Variants in CCDC172 observed in about 807,000 individuals in gnomAD.
CCDC172 encodes coiled-coil domain-containing protein 172.
Under a neutral mutation model 38.0 loss-of-function variants are expected in CCDC172, and 30 were observed. That is an observed-to-expected ratio of 0.79 (90% CI 0.59 to 1.07). The LOEUF is 1.07. Ranked by LOEUF, CCDC172 falls within the 50% of genes least tolerant of loss-of-function variation. The probability of loss-of-function intolerance (pLI) is 0.00; values close to 1 mark genes in which losing one functional copy is unlikely to be tolerated. For synonymous variants in CCDC172, 78 were observed against 88.3 expected (o/e 0.88, Z 0.66); for missense variants, 297 against 290.1 (o/e 1.02, Z -0.17).
intron 3 of CCDC172, among the ~76,000 whole-genome samples, chr10:116,327,629 T>C (rs1191479526): frequency 6.6e-6 from 1 of 152,104 alleles, no homozygotes; most frequent in Non-Finnish European, 1.5e-5. Context: ...TAATATAGGT[T>C]CATAAGCATG....
At chr10:116,355,253 A>AT (rs1419240131) in intron 5 of CCDC172, among the ~76,000 whole-genome samples, 2 of 152,226 alleles carry the variant, frequency 1.3e-5, no homozygotes, top group African/African-American at 4.8e-5. Flanking sequence ...TTTATACTGT[A>AT]TTTTTGCTGT....
intron 5 of CCDC172, among the ~76,000 whole-genome samples, chr10:116,351,008 T>C (rs1365063930): frequency 6.6e-6 from 1 of 152,142 alleles, no homozygotes; most frequent in Non-Finnish European, 1.5e-5. Flanking sequence ...GATAAGAAAT[T>C]GGCATATTTG....
chr10:116,355,814 A>G (rs1844988374), intron 5 of CCDC172, among the ~76,000 whole-genome samples: 1 of 152,176 alleles, frequency 6.6e-6, no homozygotes. Flanking sequence ...TAGGGCTGGC[A>G]GAGTTAGGGG....
Position 116,325,383 on chromosome 10 carries a change from T to C in CCDC172, c.160T>C (p.Ser54Pro). ...ELNEEKIKLE[S>P]KVQQFFEKSF... Reference sequence around the variant, plus strand: ...GAATGAAGAGAAAATCAAGCTGGAATCTAAGGTATTGAAATGTAAAGCATA... The same window carrying C: ...GAATGAAGAGAAAATCAAGCTGGAACCTAAGGTATTGAAATGTAAAGCATA... Residue 54 changes from serine (S) to proline (P), a missense_variant, in exon 3 of 9, where the codon TCT (serine) becomes CCT (proline). Physicochemically the swap from Ser to Pro is moderately conservative, Grantham distance 74. Coordinates refer to ENST00000333254, the MANE Select transcript of CCDC172 (RefSeq NM_198515.3). 1 of 1,612,150 alleles carries C rather than the reference T, an allele frequency of 6.2e-7. No individual in the cohort carries two copies. The highest frequency in any genetic ancestry group is 8.5e-7 in the Non-Finnish European group (1 of 1,178,882).
At chr10:116,360,168 T>G (rs1381373091) in intron 7 of CCDC172, among the ~76,000 whole-genome samples, 2 of 152,214 alleles carry the variant, frequency 1.3e-5, no homozygotes, top group Non-Finnish European at 2.9e-5. Context: ...AACCATAGGT[T>G]AGGTTAATTT....
At chr10:116,368,643 C>G (rs74158444) in intron 7 of CCDC172, among the ~76,000 whole-genome samples, 4,749 of 151,702 alleles carry the variant, frequency 0.031, 103 homozygotes, top group East Asian at 0.11. Context: ...TTTTACATAC[C>G]TCCCTCAATC....
chr10:116,359,282 G>T (rs1032838484), intron 7 of CCDC172, among the ~76,000 whole-genome samples: 1 of 152,166 alleles, frequency 6.6e-6, no homozygotes, highest in South Asian at 2.1e-4. Context: ...CATTGATTCA[G>T]CTTCATCATG....
intron 5 of CCDC172, among the ~76,000 whole-genome samples, chr10:116,347,901 T>C (rs1020559761): frequency 6.6e-6 from 1 of 152,314 alleles, no homozygotes; most frequent in East Asian, 1.9e-4. Context: ...CTGTAATCTA[T>C]TGATGTAATA....
At chr10:116,367,417 C>T (rs887380782) in intron 7 of CCDC172, among the ~76,000 whole-genome samples, 5 of 152,166 alleles carry the variant, frequency 3.3e-5, no homozygotes, top group Non-Finnish European at 5.9e-5. Context: ...AGGCCAGGCG[C>T]GGTGGCTTAT....
chr10:116,356,213 G>A (rs781480675), intron 5 of CCDC172, among the ~76,000 whole-genome samples: 1 of 151,702 alleles, frequency 6.6e-6, no homozygotes, highest in African/African-American at 2.4e-5. Flanking sequence ...ACCTGTAATC[G>A]CAGCTGCTTA....
In CCDC172 at chr10:116,354,140, G is replaced by A. The variant is rs189764027; in HGVS notation, c.449-3240G>A. On this transcript the variant is annotated intron_variant, in intron 5 of 8. Coordinates refer to ENST00000333254, the MANE Select transcript of CCDC172 (RefSeq NM_198515.3). ...GAAAATATTCCTATTGCCTAGTGACGTTGTGGCACAACATATTACATGTTT... is the reference window on the plus strand; with the variant it reads ...GAAAATATTCCTATTGCCTAGTGACATTGTGGCACAACATATTACATGTTT... Among the ~76,000 whole-genome samples the A allele has an allele frequency of 5.7e-3, 873 of 152,174 alleles. 6 individuals are homozygous for A. Among genetic ancestry groups the A allele is most frequent in the Non-Finnish European group, 9.5e-3 (649 of 67,990 alleles).
chr10:116,352,026 T>G (rs1017097466), intron 5 of CCDC172, among the ~76,000 whole-genome samples: 3 of 152,142 alleles, frequency 2.0e-5, no homozygotes, highest in African/African-American at 7.2e-5. Context: ...CCCACTGGGC[T>G]GAGTAAAGAA....
At chr10:116,356,388 G>A (rs1239342063) in intron 5 of CCDC172, among the ~76,000 whole-genome samples, 1 of 144,172 alleles carries the variant, frequency 6.9e-6, no homozygotes, top group East Asian at 2.2e-4. Flanking sequence ...GGGAGGGAGG[G>A]AGGAAGGAAG....
chr10:116,352,287 A>C (rs1165640447), intron 5 of CCDC172, among the ~76,000 whole-genome samples: 1 of 152,212 alleles, frequency 6.6e-6, no homozygotes, highest in African/African-American at 2.4e-5. Context: ...ATGGGAAGAC[A>C]GCAAAACTCA....
chr10:116,326,221 T>C (rs1262058030), intron 3 of CCDC172, among the ~76,000 whole-genome samples: 1 of 152,146 alleles, frequency 6.6e-6, no homozygotes, highest in Admixed American at 6.6e-5. Flanking sequence ...GGCAACATAG[T>C]GAGACCCTGT....
intron 5 of CCDC172, among the ~76,000 whole-genome samples, chr10:116,351,209 G>A (rs1431911990): frequency 6.6e-6 from 1 of 152,008 alleles, no homozygotes; most frequent in Non-Finnish European, 1.5e-5. Context: ...ATAAAATATT[G>A]TATCTTTTTT....
chr10:116,360,649 C>T (rs915121648), intron 7 of CCDC172, among the ~76,000 whole-genome samples: 5 of 152,078 alleles, frequency 3.3e-5, no homozygotes, highest in African/African-American at 1.2e-4. Context: ...ACAGTCTGAT[C>T]GGTGAATCTG....
At chr10:116,341,195 G>T (rs572380769) in intron 4 of CCDC172, among the ~76,000 whole-genome samples, 3 of 152,178 alleles carry the variant, frequency 2.0e-5, no homozygotes, top group Admixed American at 6.5e-5. Flanking sequence ...TGGCTAAAAG[G>T]ATGGATATTG....
chr10:116,324,835 C>A, intron 1 of CCDC172, 112 bp from the exon 2 acceptor site: 1 of 613,488 alleles, frequency 1.6e-6, no homozygotes. Context: ...ACCCCTCAGA[C>A]ACCGTCTGGC....
Sources: gnomAD v4.1 joint callset for allele counts (sites outside exome capture counted in the v4.1 genomes callset) on GRCh38, gnomAD v4.1.1 for gene constraint, MANE v1.5 for transcripts, NCBI Gene and HGNC (gene_info 2026-07-23, HGNC 2026-07-21) for gene names.